The following GREM2 variants were observed in gnomAD, a reference collection of about 807,000 sequenced individuals.
The protein encoded by GREM2 is gremlin-2.
GREM2 carries 11 observed loss-of-function variants against 14.2 expected under a neutral mutation model. The observed-to-expected ratio is 0.78, with a 90% CI of 0.49 to 1.28. The LOEUF is 1.28. Among genes scored for constraint, GREM2 ranks in the 50% most tolerant of loss-of-function variants. The probability of loss-of-function intolerance (pLI) is 0.00; values close to 1 mark genes in which losing one functional copy is unlikely to be tolerated. For synonymous variants in GREM2, 98 were observed against 97.6 expected, an observed-to-expected ratio of 1.00 and a Z score of -0.02; for missense variants, 210 against 218.5, an observed-to-expected ratio of 0.96 and a Z score of 0.24.
chr1:240,591,754 G>A (rs1345706674), intron 1 of GREM2, among the ~76,000 whole-genome samples: 1 of 152,124 alleles, frequency 6.6e-6, no homozygotes, highest in East Asian at 1.9e-4. Context: ...AAGTGGAAGG[G>A]GCCTTTGGAG....
At chr1:240,590,359 T>C (rs971675641) in intron 1 of GREM2, among the ~76,000 whole-genome samples, 2 of 152,136 alleles carry the variant, frequency 1.3e-5, no homozygotes, top group Admixed American at 1.3e-4. Context: ...AAGTGTCCTC[T>C]AGAAGTTCCT....
rs1350796390 is a variant in GREM2, at chr1:240,493,326, C to T, written c.150G>A (p.Lys50=). 2 of 1,613,974 alleles carry T rather than the reference C, an allele frequency of 1.2e-6. No homozygotes were observed. Among genetic ancestry groups the T allele is most frequent in the Non-Finnish European group, 1.7e-6 (2 of 1,180,036 alleles). Residue 50 remains lysine (K), a synonymous_variant, in exon 2 of 2, where the codon AAG becomes AAA. Coordinates refer to ENST00000318160, the MANE Select transcript of GREM2 (RefSeq NM_022469.4). ...CCTCCTGGCTGGAGGCCAGCACCTC[C>T]TTGATCTGGTGCTGCCATCTCTCCG... ...NNSERWQHQI[K]EVLASSQEAL...
At chr1:240,583,727 G>A (rs1443207027) in intron 1 of GREM2, among the ~76,000 whole-genome samples, 2 of 151,802 alleles carry the variant, frequency 1.3e-5, no homozygotes, top group African/African-American at 4.8e-5. Context: ...TCAGCCTCCT[G>A]AGTAGCTGGG....
intron 1 of GREM2, among the ~76,000 whole-genome samples, chr1:240,552,539 G>C (rs1045152402): frequency 3.3e-5 from 5 of 152,290 alleles, no homozygotes; most frequent in Non-Finnish European, 5.9e-5. Flanking sequence ...AGATTACAGC[G>C]AGCTGTGATC....
intron 1 of GREM2, among the ~76,000 whole-genome samples, chr1:240,537,724 G>A (rs552986673): frequency 1.3e-5 from 2 of 152,168 alleles, no homozygotes; most frequent in African/African-American, 4.8e-5. Flanking sequence ...GGCGGAGGTT[G>A]CAGTGAGCCG....
At chr1:240,579,752 G>A (rs1363261529) in intron 1 of GREM2, among the ~76,000 whole-genome samples, 1 of 152,196 alleles carries the variant, frequency 6.6e-6, no homozygotes, top group African/African-American at 2.4e-5. Context: ...TGAAGGCGTA[G>A]CATTTGGGCT....
chr1:240,508,116 T>C (rs1283820690), intron 1 of GREM2, among the ~76,000 whole-genome samples: 1 of 152,164 alleles, frequency 6.6e-6, no homozygotes, highest in Non-Finnish European at 1.5e-5. Flanking sequence ...CTCCTCCAAA[T>C]ACCTAACTTA....
intron 1 of GREM2, among the ~76,000 whole-genome samples, chr1:240,501,966 G>A (rs558096430): frequency 1.4e-4 from 22 of 152,248 alleles, no homozygotes; most frequent in Admixed American, 6.5e-4. Context: ...CCATTAGGCA[G>A]TACCTAAATA....
intron 1 of GREM2, among the ~76,000 whole-genome samples, chr1:240,513,805 T>C (rs1431025971): frequency 6.6e-6 from 1 of 152,148 alleles, no homozygotes; most frequent in African/African-American, 2.4e-5. Context: ...GAAACTTAAC[T>C]CATACTGCTT....
At chr1:240,595,681 G>A (rs925332807) in intron 1 of GREM2, among the ~76,000 whole-genome samples, 5 of 152,156 alleles carry the variant, frequency 3.3e-5, no homozygotes, top group Non-Finnish European at 7.4e-5. Flanking sequence ...CTGGGCTTTG[G>A]AGTCAGGCCG....
At chr1:240,590,986 T>G (rs555290202) in intron 1 of GREM2, among the ~76,000 whole-genome samples, 2 of 151,464 alleles carry the variant, frequency 1.3e-5, no homozygotes, top group Admixed American at 6.6e-5. Flanking sequence ...TTCACCAGGT[T>G]GGCCAGGCTG....
At chr1:240,559,270 C>T (rs762902409) in intron 1 of GREM2, among the ~76,000 whole-genome samples, 22 of 150,900 alleles carry the variant, frequency 1.5e-4, no homozygotes, top group Non-Finnish European at 1.9e-4. Context: ...AGTATGTTGA[C>T]ACATCTATTG....
intron 1 of GREM2, among the ~76,000 whole-genome samples, chr1:240,585,516 G>T (rs186185496): frequency 1.2e-3 from 184 of 152,106 alleles, no homozygotes; most frequent in African/African-American, 4.3e-3. Context: ...GATCACTTGA[G>T]GTCTGGAGTT....
chr1:240,583,554 C>G (rs1185638660), intron 1 of GREM2, among the ~76,000 whole-genome samples: 1 of 151,562 alleles, frequency 6.6e-6, no homozygotes, highest in South Asian at 2.1e-4. Flanking sequence ...TTCTAAATCA[C>G]GTTCTTCTCT....
intron 1 of GREM2, among the ~76,000 whole-genome samples, chr1:240,580,103 A>G (rs1679456194): frequency 6.6e-6 from 1 of 152,158 alleles, no homozygotes; most frequent in African/African-American, 2.4e-5. Flanking sequence ...TAAAAAGTGC[A>G]TGTCTGGCTG....
chr1:240,556,833 T>A (rs954484724), intron 1 of GREM2, among the ~76,000 whole-genome samples: 13 of 152,294 alleles, frequency 8.5e-5, no homozygotes, highest in East Asian at 5.8e-4. Context: ...ATGCTTTTTT[T>A]AAAAGTAAGG....
chr1:240,528,280 C>T (rs1459162719), intron 1 of GREM2, among the ~76,000 whole-genome samples: 2 of 152,064 alleles, frequency 1.3e-5, no homozygotes, highest in African/African-American at 2.4e-5. Flanking sequence ...TTTGACTTTT[C>T]GTTTTTTACT....
At chr1:240,582,012 C>T (rs1378155669) in intron 1 of GREM2, among the ~76,000 whole-genome samples, 2 of 152,218 alleles carry the variant, frequency 1.3e-5, no homozygotes, top group Non-Finnish European at 2.9e-5. Flanking sequence ...TGCTGGGCCC[C>T]ACCTTCAGAG....
chr1:240,502,693 C>T (rs879197756), intron 1 of GREM2, among the ~76,000 whole-genome samples: 2 of 152,274 alleles, frequency 1.3e-5, no homozygotes, highest in African/African-American at 2.4e-5. Flanking sequence ...AGAACAGCAC[C>T]GATCCTTTCA....
Sources: gnomAD v4.1 joint callset for allele counts (sites outside exome capture counted in the v4.1 genomes callset) on GRCh38, gnomAD v4.1.1 for gene constraint, MANE v1.5 for transcripts, NCBI Gene and HGNC (gene_info 2026-07-23, HGNC 2026-07-21) for gene names.